RPS6KC1: variants seen among roughly 807,000 people sequenced by gnomAD.
The protein encoded by RPS6KC1 is inactive ribosomal protein S6 kinase delta-1.
RPS6KC1 carries 54 observed loss-of-function variants against 103.8 expected under a neutral mutation model. That is an observed-to-expected ratio of 0.52 (90% CI 0.42 to 0.65). The LOEUF (loss-of-function observed/expected upper bound fraction) is 0.65, where lower values mean the gene tolerates loss of function less well. RPS6KC1 is among the 30% of genes least tolerant of loss of function. The pLI, the probability that RPS6KC1 is intolerant of heterozygous loss-of-function variation, is 0.00. For synonymous variants in RPS6KC1, 439 were observed against 438.7 expected, an observed-to-expected ratio of 1.00 and a Z score of -0.01; for missense variants, 1,151 against 1,253.8, an observed-to-expected ratio of 0.92 and a Z score of 1.24.
the RPS6KC1 span, among the ~76,000 whole-genome samples, chr1:213,797,138 A>G: frequency 6.6e-6 from 1 of 152,252 alleles, no homozygotes; most frequent in Non-Finnish European, 1.5e-5. Context: ...GGAAGAAACC[A>G]TAAAACATCA....
the RPS6KC1 span, among the ~76,000 whole-genome samples, chr1:213,300,854 A>G: frequency 1.3e-5 from 2 of 152,208 alleles, no homozygotes; most frequent in African/African-American, 4.8e-5. Flanking sequence ...TGTCTCTACC[A>G]GAGACTCTCT....
the RPS6KC1 span, among the ~76,000 whole-genome samples, chr1:213,516,085 G>T: frequency 2.2e-4 from 33 of 152,132 alleles, no homozygotes; most frequent in Non-Finnish European, 1.3e-4. Flanking sequence ...GATTTTTTAT[G>T]CTGAGACTTG....
chr1:213,269,373 A>G lies in RPS6KC1; in HGVS notation c.3091-3151A>G, dbSNP rs146665042. Among the ~76,000 whole-genome samples, 474 of 152,340 alleles carry G rather than the reference A, an allele frequency of 3.1e-3. 2 individuals carry two copies. The highest frequency in any genetic ancestry group is 0.01 in the African/African-American group (416 of 41,586). On this transcript the variant is annotated intron_variant, in intron 14 of 14. Transcript: ENST00000366960. Reference sequence around the variant, plus strand: ...ATAGTAAGTGGAGGCTCAATACCCCATTCTCCATGATTTATAGAAAATTAG... The same window carrying G: ...ATAGTAAGTGGAGGCTCAATACCCCGTTCTCCATGATTTATAGAAAATTAG...
chr1:213,190,046 G>A (rs749358446), intron 8 of RPS6KC1, among the ~76,000 whole-genome samples: 12 of 151,990 alleles, frequency 7.9e-5, no homozygotes, highest in Non-Finnish European at 1.5e-4. Flanking sequence ...TTTAAAATCC[G>A]TTCATCTGTT....
the RPS6KC1 span, among the ~76,000 whole-genome samples, chr1:213,833,388 CA>C: frequency 1.3e-5 from 2 of 152,092 alleles, no homozygotes; most frequent in South Asian, 2.1e-4. Flanking sequence ...CCTAGGAAAG[CA>C]AAAATCATTT....
the RPS6KC1 span, among the ~76,000 whole-genome samples, chr1:213,822,757 G>T: frequency 6.6e-6 from 1 of 152,200 alleles, no homozygotes; most frequent in African/African-American, 2.4e-5. Flanking sequence ...TGTTACAGAA[G>T]TAAGTTCTTT....
chr1:213,184,287 GA>G (rs1342361251), intron 8 of RPS6KC1, among the ~76,000 whole-genome samples: 2 of 151,958 alleles, frequency 1.3e-5, no homozygotes, highest in Non-Finnish European at 2.9e-5. Flanking sequence ...TTAGAAGAAA[GA>G]AAACTATAGA....
chr1:213,253,725 T>A (rs1008987916), intron 12 of RPS6KC1, among the ~76,000 whole-genome samples: 33 of 152,168 alleles, frequency 2.2e-4, no homozygotes, highest in Non-Finnish European at 3.8e-4. Context: ...TGGAATCACA[T>A]AGTCTCTCCA....
intron 8 of RPS6KC1, among the ~76,000 whole-genome samples, chr1:213,210,453 A>C (rs943653592): frequency 2.6e-5 from 4 of 152,206 alleles, no homozygotes; most frequent in African/African-American, 9.6e-5. Context: ...GGATATTACA[A>C]ACTGAAAACC....
rs1322312421 is a variant in RPS6KC1 at position 213,071,601 on chromosome 1, G to C, written c.141+560G>C. ...TGTTTACTAAGTGATCATTGTTCTGGTAACTAGTGTTTACAAGATTTCAGT... is the reference window on the plus strand; with the variant it reads ...TGTTTACTAAGTGATCATTGTTCTGCTAACTAGTGTTTACAAGATTTCAGT... On this transcript the variant is annotated intron_variant, in intron 2 of 14. Coordinates refer to ENST00000366960, the MANE Select transcript of RPS6KC1 (RefSeq NM_012424.6). 2.0e-5 allele frequency among the ~76,000 whole-genome samples: 3 copies of C among 152,078 alleles called. No individual in the cohort carries two copies. The East Asian group carries it at 5.8e-4, about 29-fold the overall frequency.
chr1:213,322,070 C>G, the RPS6KC1 span, among the ~76,000 whole-genome samples: 4 of 152,142 alleles, frequency 2.6e-5, no homozygotes, highest in Non-Finnish European at 5.9e-5. Flanking sequence ...CTTTGGGAGG[C>G]CGAGGTGGGA....
At chr1:213,233,781 ACTAT>A (rs1271181579) in intron 10 of RPS6KC1, among the ~76,000 whole-genome samples, 1 of 152,118 alleles carries the variant, frequency 6.6e-6, no homozygotes, top group Non-Finnish European at 1.5e-5. Context: ...ATCCTTCTTT[ACTAT>A]CGAGCATACC....
chr1:213,522,019 G>A, the RPS6KC1 span, among the ~76,000 whole-genome samples: 1 of 152,140 alleles, frequency 6.6e-6, no homozygotes, highest in Non-Finnish European at 1.5e-5. Flanking sequence ...TTTCCAGAAC[G>A]TTTTCAATTT....
chr1:213,460,655 A>G, the RPS6KC1 span, among the ~76,000 whole-genome samples: 1 of 151,880 alleles, frequency 6.6e-6, no homozygotes, highest in South Asian at 2.1e-4. Flanking sequence ...TATTTTGCCC[A>G]TTAGTTGATG....
the RPS6KC1 span, among the ~76,000 whole-genome samples, chr1:213,517,428 G>A: frequency 6.6e-6 from 1 of 152,176 alleles, no homozygotes; most frequent in East Asian, 1.9e-4. Flanking sequence ...GGTATGTTGT[G>A]TATTTTTTCT....
chr1:213,442,958 G>A, the RPS6KC1 span, among the ~76,000 whole-genome samples: 2 of 141,320 alleles, frequency 1.4e-5, no homozygotes, highest in South Asian at 4.6e-4. Context: ...CTTTCTCAGG[G>A]TTTTTTTTTT....
the RPS6KC1 span, among the ~76,000 whole-genome samples, chr1:213,530,016 A>G: frequency 7.4e-6 from 1 of 135,942 alleles, no homozygotes; most frequent in Non-Finnish European, 1.6e-5. Flanking sequence ...CCCTACGAGA[A>G]TTTTCCTTCA....
At chr1:213,086,496 C>T (rs2080415110) in intron 3 of RPS6KC1, among the ~76,000 whole-genome samples, 1 of 152,232 alleles carries the variant, frequency 6.6e-6, no homozygotes, top group South Asian at 2.1e-4. Flanking sequence ...GGCAAGGAGG[C>T]ACCTCTTTCA....
At chr1:213,577,707 A>G in the RPS6KC1 span, among the ~76,000 whole-genome samples, 2 of 152,202 alleles carry the variant, frequency 1.3e-5, no homozygotes, top group Non-Finnish European at 2.9e-5. Context: ...GATTTAGGGT[A>G]TCTGGTAGAA....
Sources: allele counts gnomAD v4.1 joint callset (sites outside exome capture counted in the v4.1 genomes callset), GRCh38; gene constraint gnomAD v4.1.1; transcripts MANE v1.5; gene names NCBI Gene and HGNC (gene_info 2026-07-23, HGNC 2026-07-21).